Variants in PARD3B observed in about 807,000 individuals in gnomAD.
PARD3B encodes the protein par-3 family cell polarity regulator beta.
A neutral mutation model predicts 130.2 loss-of-function variants in PARD3B; 103 were observed. That is an observed-to-expected ratio of 0.79 (90% CI 0.67 to 0.93). PARD3B has a LOEUF of 0.93. Ranked by LOEUF, PARD3B falls within the 40% of genes least tolerant of loss-of-function variation. The pLI is 0.00. For missense variants in PARD3B, 1,609 were observed against 1,499.2 expected (o/e 1.07, Z -1.21); for synonymous variants, 583 against 553.2 (o/e 1.05, Z -0.76).
At chr2:205,063,756 T>G (rs1457459832) in intron 4 of PARD3B, among the ~76,000 whole-genome samples, 2 of 152,174 alleles carry the variant, frequency 1.3e-5, no homozygotes, top group Non-Finnish European at 2.9e-5. Context: ...GGCAGAAATA[T>G]TTAGGAAATA....
rs141045473 is a variant in PARD3B, at chr2:205,397,008, TC to T, written c.2631-4000del. 0.023 allele frequency among the ~76,000 whole-genome samples: 3,439 copies of T among 152,124 alleles called. 123 individuals are homozygous for T. The highest frequency in any genetic ancestry group is 0.077 in the African/African-American group (3,189 of 41,492). Reference sequence around the variant, plus strand: ...TTGGAAAGTCACCAAGTTGAATCTTTCCCCCTCACTCTCTCCCCCGGTCCAC... The same window carrying T: ...TTGGAAAGTCACCAAGTTGAATCTTTCCCCTCACTCTCTCCCCCGGTCCAC... On this transcript the variant is annotated intron_variant, in intron 18 of 22. Transcript: ENST00000406610. This position sits in a 1 kb window ranked among gnomAD's most constrained non-coding sequence, Gnocchi z 4.8.
intron 16 of PARD3B, among the ~76,000 whole-genome samples, chr2:205,255,857 T>C (rs761337041): frequency 2.5e-4 from 38 of 152,126 alleles, no homozygotes; most frequent in Non-Finnish European, 4.4e-4. Context: ...TGGGCTATTA[T>C]GGAGGCTTCC....
rs1454180300 is a variant in PARD3B at position 205,616,439 on chromosome 2, T to C, written c.*626T>C. The stretch of plus-strand genomic sequence containing the variant: ...TTTGTAGAATTTATCAGGTTTCTGA[T>C]ACCACTCATTGGATGTAAACATTTC... On this transcript the variant is annotated 3_prime_UTR_variant, in exon 23 of 23. Coordinates refer to ENST00000406610, the MANE Select transcript of PARD3B (RefSeq NM_001302769.2). 2 of 152,314 alleles carry C rather than the reference T, an allele frequency of 1.3e-5. No homozygotes were observed. Among genetic ancestry groups the C allele is most frequent in the African/African-American group, 4.8e-5 (2 of 41,480 alleles). The allele number at this position is 152,314 out of a possible 1,614,324, so 9.4% of individuals were successfully genotyped here.
In PARD3B at chr2:205,585,487, G is replaced by A. The variant is rs531094860; in HGVS notation, c.3261-29969G>A. ...TGAGAAGGCCAGGATGGTAGCCTCC[G>A]GAAGAATCGGCAGGCATTTATTTAA... On this transcript the variant is annotated intron_variant, in intron 22 of 22. Coordinates refer to ENST00000406610, the MANE Select transcript of PARD3B (RefSeq NM_001302769.2). This position sits in a 1 kb window ranked among gnomAD's most constrained non-coding sequence, Gnocchi z 5.4. Among the ~76,000 whole-genome samples, 7 of 152,270 alleles carry A rather than the reference G, an allele frequency of 4.6e-5. No individual in the cohort carries two copies. The East Asian group carries it at 7.7e-4, about 17-fold the overall frequency.
At position 205,217,351 on chromosome 2, in the gene PARD3B, T is replaced by G. The variant is rs140753236; in HGVS notation, c.2140+24031T>G. Among the ~76,000 whole-genome samples, 134 of 152,330 alleles carry G rather than the reference T, an allele frequency of 8.8e-4. 1 individual carries two copies. Among genetic ancestry groups the G allele is most frequent in the African/African-American group, 2.9e-3 (120 of 41,572 alleles). ...TTTAGATCTTAGTCCTGAGAGACTA[T>G]TATTTTAATTTTGTTTTGACAGAAT... On this transcript the variant is annotated intron_variant, in intron 15 of 22. Transcript: ENST00000406610.
At position 205,618,954 on chromosome 2, in the gene PARD3B, A is replaced by T. The variant is rs2055516889; in HGVS notation, c.*3141A>T. The T allele has an allele frequency of 6.6e-6, 1 of 152,236 alleles. No homozygotes were observed. The highest frequency in any genetic ancestry group is 1.5e-5 in the Non-Finnish European group (1 of 68,040). The allele number at this position is 152,236 out of a possible 1,614,324, so 9.4% of individuals were successfully genotyped here. A position where few individuals can be genotyped will look rare whatever the true frequency, so the allele number is the denominator to read the frequency against. On this transcript the variant is annotated 3_prime_UTR_variant, in exon 23 of 23. Transcript: ENST00000406610. Reference sequence around the variant, plus strand: ...AAAAACAATTATTCTGAAGCTCATTATTCTTAGATCTGTAGATATATATGT... The same window carrying T: ...AAAAACAATTATTCTGAAGCTCATTTTTCTTAGATCTGTAGATATATATGT...
chr2:204,888,213 A>G (rs1031030543), intron 2 of PARD3B, among the ~76,000 whole-genome samples: 2 of 152,310 alleles, frequency 1.3e-5, no homozygotes, highest in East Asian at 1.9e-4. Context: ...GTGGATGTGT[A>G]TTGAGATTTA....
chr2:205,534,486 AG>A (rs2051751144), intron 21 of PARD3B, among the ~76,000 whole-genome samples: 1 of 151,718 alleles, frequency 6.6e-6, no homozygotes, highest in African/African-American at 2.4e-5. Context: ...TTGGAGACAG[AG>A]TCTTACTGTG....
chr2:205,067,095 CTTTTTTTTTTTT>C (rs10672449), intron 4 of PARD3B, among the ~76,000 whole-genome samples: 29,656 of 60,834 alleles, frequency 0.49, 4,086 homozygotes, highest in East Asian at 0.62. Context: ...TTTTACTAGG[CTTTTTTTTTTTT>C]TTTTTTTTTT....
intron 2 of PARD3B, among the ~76,000 whole-genome samples, chr2:204,736,378 CTG>C (rs751956543): frequency 2.0e-5 from 3 of 152,056 alleles, no homozygotes; most frequent in Admixed American, 6.6e-5. Flanking sequence ...ACCCATCAAA[CTG>C]TGTGTACATT....
rs948531107 is a variant in PARD3B at position 205,158,358 on chromosome 2, T to C, written c.1435-364T>C. 2.0e-5 allele frequency among the ~76,000 whole-genome samples: 3 copies of C among 152,208 alleles called. No individual in the cohort carries two copies. In the East Asian group the frequency reaches 5.8e-4, roughly 29 times the overall value. ...TGTTAAGACTCCATTATCTCTAAGA[T>C]CTCTTCTGATACCCAGGGCACCCTA... On this transcript the variant is annotated intron_variant, in intron 10 of 22. Coordinates refer to ENST00000406610, the MANE Select transcript of PARD3B (RefSeq NM_001302769.2). This position sits in a 1 kb window ranked among gnomAD's most constrained non-coding sequence, Gnocchi z 5.4.
chr2:205,320,555 C>T (rs1009961924), intron 18 of PARD3B, among the ~76,000 whole-genome samples: 2 of 152,140 alleles, frequency 1.3e-5, no homozygotes, highest in Non-Finnish European at 2.9e-5. Flanking sequence ...AATAATATGG[C>T]AGGCAGATGC....
chr2:205,531,172 A>G (rs951582537), intron 21 of PARD3B, among the ~76,000 whole-genome samples: 1 of 152,222 alleles, frequency 6.6e-6, no homozygotes, highest in African/African-American at 2.4e-5. Flanking sequence ...TATACTAATT[A>G]GTCTTTCCAC....
At chr2:205,396,588 G>T (rs1417526419) in intron 18 of PARD3B, among the ~76,000 whole-genome samples, 1 of 152,078 alleles carries the variant, frequency 6.6e-6, no homozygotes, top group South Asian at 2.1e-4. Flanking sequence ...TTACAAAAAA[G>T]ATCCATCATA....
At chr2:205,604,582 G>T (rs2054914805) in intron 22 of PARD3B, among the ~76,000 whole-genome samples, 1 of 152,196 alleles carries the variant, frequency 6.6e-6, no homozygotes, top group South Asian at 2.1e-4. Context: ...TCTGCTCTTA[G>T]TCTGAGAGGC....
intron 10 of PARD3B, among the ~76,000 whole-genome samples, chr2:205,134,422 G>T (rs1331315186): frequency 6.6e-6 from 1 of 152,042 alleles, no homozygotes; most frequent in Non-Finnish European, 1.5e-5. Context: ...CACTTGGTAG[G>T]CTGAGGCAGG....
intron 20 of PARD3B, among the ~76,000 whole-genome samples, chr2:205,452,787 C>G (rs978935727): frequency 3.9e-5 from 6 of 152,194 alleles, no homozygotes; most frequent in African/African-American, 1.4e-4. Flanking sequence ...AGACAATCTC[C>G]TCCTTTATTA....
Position 205,589,263 on chromosome 2 carries a change from C to T in PARD3B, c.3261-26193C>T, listed in dbSNP as rs2106592721. On this transcript the variant is annotated intron_variant, in intron 22 of 22. Transcript: ENST00000406610. The surrounding 1 kb of genome is among the most constrained non-coding windows in gnomAD (Gnocchi z 4.1). ...CTGTGATCGCACCACTGCCCTGCAG[C>T]CTGGGTGGTGAAGCGAGACCCTGTC... Among the ~76,000 whole-genome samples the T allele has an allele frequency of 6.6e-6, 1 of 152,342 alleles. No individual in the cohort carries two copies. The highest frequency in any genetic ancestry group is 2.1e-4 in the South Asian group (1 of 4,828).
intron 18 of PARD3B, among the ~76,000 whole-genome samples, chr2:205,399,284 CA>C (rs572599332): frequency 2.5e-3 from 387 of 151,884 alleles, no homozygotes; most frequent in African/African-American, 9.0e-3. Context: ...AGAACAAAAA[CA>C]AAAAATCTAG....
Sources: gnomAD v4.1 joint callset for allele counts (sites outside exome capture counted in the v4.1 genomes callset) on GRCh38, gnomAD v4.1.1 for gene constraint, Gnocchi (gnomAD v3.1) non-coding constraint, MANE v1.5 for transcripts, NCBI Gene and HGNC (gene_info 2026-07-23, HGNC 2026-07-21) for gene names.